HECW1: variants seen among roughly 807,000 people sequenced by gnomAD.
HECW1 encodes the protein HECT, C2 and WW domain containing E3 ubiquitin protein ligase 1, also known as E3 ubiquitin-protein ligase HECW1.
In HECW1, 61 loss-of-function variants were observed where a neutral mutation model predicts 182.3. The ratio of observed to expected loss-of-function variants is 0.33; its 90% CI spans 0.27 to 0.41. The LOEUF is 0.41. HECW1 is among the 10% of genes least tolerant of loss of function. The probability of loss-of-function intolerance (pLI) is 1.00; values close to 1 mark genes in which losing one functional copy is unlikely to be tolerated. For missense variants in HECW1, 1,739 were observed against 2,108.9 expected (o/e 0.82, Z 3.44); for synonymous variants, 859 against 832.6 (o/e 1.03, Z -0.55).
chr7:43,505,099 T>A (rs1359418522), intron 21 of HECW1, among the ~76,000 whole-genome samples: 1 of 152,146 alleles, frequency 6.6e-6, no homozygotes, highest in African/African-American at 2.4e-5. Context: ...CCTTCTATCA[T>A]CCTTAAGTCT....
At chr7:43,220,254 G>T (rs548069492) in intron 2 of HECW1, among the ~76,000 whole-genome samples, 1 of 152,352 alleles carries the variant, frequency 6.6e-6, no homozygotes, top group Non-Finnish European at 1.5e-5. Flanking sequence ...ATAGGGTGAG[G>T]TCTGGGAGCA....
rs1009755872 is a variant in HECW1 at position 43,402,923 on chromosome 7, T to C, written c.632-4639T>C. ...GCATTCTAACTGAAAAAATCAGAAA[T>C]GCAAACAAAGATTTATTTACAAATA... On this transcript the variant is annotated intron_variant, in intron 7 of 29. Coordinates refer to ENST00000395891, the MANE Select transcript of HECW1 (RefSeq NM_015052.5). Among the ~76,000 whole-genome samples, 4 of 152,154 alleles carry C rather than the reference T, an allele frequency of 2.6e-5. No homozygotes were observed. In the South Asian group the frequency reaches 6.2e-4, roughly 24 times the overall value.
chr7:43,189,458 G>A (rs372701953), intron 2 of HECW1, among the ~76,000 whole-genome samples: 24 of 152,088 alleles, frequency 1.6e-4, no homozygotes, highest in Non-Finnish European at 2.8e-4. Context: ...AATACAAAAA[G>A]AGATTGTGTG....
chr7:43,486,871 A>G (rs1431721189), intron 17 of HECW1, among the ~76,000 whole-genome samples: 1 of 152,230 alleles, frequency 6.6e-6, no homozygotes, highest in East Asian at 1.9e-4. Context: ...CTATGGTTCT[A>G]TATCCTAGTG....
Position 43,444,703 on chromosome 7 carries a change from G to C in HECW1, c.1531G>C (p.Asp511His). Residue 511 changes from aspartate (D) to histidine (H), a missense_variant, in exon 11 of 30, where the codon GAT becomes CAT. By Grantham distance (81) the Asp-to-His change is moderately conservative. Transcript: ENST00000395891. This position sits in a 1 kb window ranked among gnomAD's most constrained non-coding sequence, Gnocchi z 4.3. ...EEEKEQEEEG[D>H]VSTLEQGEGR... ...GGAGAAGGAGCAGGAGGAGGAGGGA[G>C]ATGTGTCTACCCTGGAGCAGGGAGA... is the stretch of plus-strand genomic sequence containing the variant. 6.2e-7 allele frequency: 1 copy of C among 1,609,780 alleles called. No individual in the cohort carries two copies. Among genetic ancestry groups the C allele is most frequent in the Non-Finnish European group, 8.5e-7 (1 of 1,177,938 alleles).
At chr7:43,367,172 C>T (rs1816756376) in intron 6 of HECW1, among the ~76,000 whole-genome samples, 1 of 152,208 alleles carries the variant, frequency 6.6e-6, no homozygotes, top group African/African-American at 2.4e-5. Context: ...ATTTTGGAAA[C>T]TTGGCCCCAT....
intron 6 of HECW1, among the ~76,000 whole-genome samples, chr7:43,391,835 C>T (rs947238872): frequency 1.3e-5 from 2 of 152,180 alleles, no homozygotes; most frequent in South Asian, 2.1e-4. Flanking sequence ...GTTTGAACAT[C>T]TCAGAGATTT....
chr7:43,437,865 A>C, intron 8 of HECW1, 138 bp from the exon 9 acceptor site: 1 of 862,738 alleles, frequency 1.2e-6, no homozygotes, highest in Non-Finnish European at 1.8e-6. Context: ...ACAGGTTCAC[A>C]ACATTTCTGA....
intron 21 of HECW1, among the ~76,000 whole-genome samples, chr7:43,505,804 T>A (rs1241031383): frequency 6.6e-6 from 1 of 152,256 alleles, no homozygotes; most frequent in Non-Finnish European, 1.5e-5. Flanking sequence ...CAGCAGATTC[T>A]GTGATCTCAA....
intron 17 of HECW1, chr7:43,484,071 A>T (rs2078538024): frequency 6.6e-6 from 1 of 152,304 alleles, no homozygotes; most frequent in Non-Finnish European, 1.5e-5. Context: ...TTCAGTCTGC[A>T]GACAGGCGTT....
chr7:43,336,124 T>TTCTCTCTCTCTC (rs1233029672), intron 5 of HECW1, among the ~76,000 whole-genome samples: 749 of 64,122 alleles, frequency 0.012, 66 homozygotes, highest in Middle Eastern at 0.033. Flanking sequence ...CTTTCTTTCT[T>TTCTCTCTCTCTC]TCTCTCTCTC....
intron 3 of HECW1, among the ~76,000 whole-genome samples, chr7:43,283,852 CA>C (rs1804248444): frequency 6.6e-6 from 1 of 152,190 alleles, no homozygotes. Context: ...CTGAGAGAAA[CA>C]GTTGACAAGT....
At chr7:43,407,115 T>C (rs1584794739) in intron 7 of HECW1, among the ~76,000 whole-genome samples, 1 of 152,166 alleles carries the variant, frequency 6.6e-6, no homozygotes, top group South Asian at 2.1e-4. Context: ...CTGCCCTCCC[T>C]GGCAGCAGGG....
intron 2 of HECW1, among the ~76,000 whole-genome samples, chr7:43,167,047 T>G (rs1490140812): frequency 6.6e-6 from 1 of 152,220 alleles, no homozygotes. Context: ...GATGAGATAG[T>G]GGATTCACTT....
intron 3 of HECW1, among the ~76,000 whole-genome samples, chr7:43,302,763 G>T (rs1052168629): frequency 6.6e-6 from 1 of 152,174 alleles, no homozygotes; most frequent in African/African-American, 2.4e-5. Context: ...TCCTCTGCAG[G>T]TATCAGTAGG....
intron 2 of HECW1, among the ~76,000 whole-genome samples, chr7:43,230,680 T>C (rs1797801770): frequency 6.6e-6 from 1 of 152,208 alleles, no homozygotes; most frequent in South Asian, 2.1e-4. Flanking sequence ...CAGATTACTC[T>C]TGAATGGTTC....
chr7:43,477,625 G>C (rs1057508483), intron 16 of HECW1, among the ~76,000 whole-genome samples: 4 of 151,988 alleles, frequency 2.6e-5, no homozygotes, highest in African/African-American at 7.3e-5. Flanking sequence ...TTTTGAATCT[G>C]TGTGGCATGC....
At chr7:43,323,445 G>C (rs181933864) in intron 5 of HECW1, among the ~76,000 whole-genome samples, 1 of 151,874 alleles carries the variant, frequency 6.6e-6, no homozygotes, top group Non-Finnish European at 1.5e-5. Flanking sequence ...AATTAGTCAC[G>C]TATGATGATG....
At position 43,320,671 on chromosome 7, in the gene HECW1, A is replaced by C; in HGVS notation, c.389A>C (p.Asn130Thr). Residue 130 changes from asparagine to threonine, a missense_variant, in exon 5 of 30, where the codon AAC (asparagine) becomes ACC (threonine). Coordinates refer to ENST00000395891, the MANE Select transcript of HECW1 (RefSeq NM_015052.5). ...VLSENFLDYK[N>T]RGVNGSHRGQ... is the part of the protein sequence containing the mutation. ...TCCGAAAACTTTCTGGACTATAAAA[A>C]CCGTGGAGTCAATGGTTCTCATCGG... 1 of 1,614,134 alleles carries C rather than the reference A, an allele frequency of 6.2e-7. No individual in the cohort carries two copies. Among genetic ancestry groups the C allele is most frequent in the Non-Finnish European group, 8.5e-7 (1 of 1,180,000 alleles).
Sources: gnomAD v4.1 joint callset for allele counts (sites outside exome capture counted in the v4.1 genomes callset) on GRCh38, gnomAD v4.1.1 for gene constraint, Gnocchi (gnomAD v3.1) non-coding constraint, MANE v1.5 for transcripts, NCBI Gene and HGNC (gene_info 2026-07-23, HGNC 2026-07-21) for gene names.